The following SLC14A2 variants were observed in gnomAD, a reference collection of about 807,000 sequenced individuals.
SLC14A2 encodes solute carrier family 14 member 2, also known as urea transporter 2.
Under a neutral mutation model 104.6 loss-of-function variants are expected in SLC14A2, and 91 were observed. That is an observed-to-expected ratio of 0.87 (90% CI 0.73 to 1.04). The LOEUF is 1.04. Among genes scored for constraint, SLC14A2 ranks in the 50% least tolerant of loss-of-function variants. SLC14A2 has a pLI of 0.00. For synonymous variants in SLC14A2, 476 were observed against 466.4 expected, an observed-to-expected ratio of 1.02 and a Z score of -0.27; for missense variants, 1,189 against 1,156.0, an observed-to-expected ratio of 1.03 and a Z score of -0.41.
At chr18:45,266,038 G>C (rs1452844493) in intron 1 of SLC14A2, among the ~76,000 whole-genome samples, 3 of 152,100 alleles carry the variant, frequency 2.0e-5, no homozygotes, top group Non-Finnish European at 4.4e-5. Flanking sequence ...ACAAAAAACA[G>C]GTAAGGAGAA....
At chr18:45,560,768 C>T (rs933662282) in intron 2 of SLC14A2, among the ~76,000 whole-genome samples, 2 of 152,090 alleles carry the variant, frequency 1.3e-5, no homozygotes, top group African/African-American at 4.8e-5. Context: ...AGCCCCCATA[C>T]CCTCACCTCT....
At chr18:45,241,723 A>G (rs2084319681) in intron 1 of SLC14A2, among the ~76,000 whole-genome samples, 1 of 145,800 alleles carries the variant, frequency 6.9e-6, no homozygotes, top group African/African-American at 2.6e-5. Context: ...GGCTCACAGC[A>G]ACCTATTTCT....
intron 1 of SLC14A2, among the ~76,000 whole-genome samples, chr18:45,243,400 T>C (rs973899826): frequency 2.6e-5 from 4 of 152,182 alleles, no homozygotes; most frequent in African/African-American, 9.6e-5. Flanking sequence ...GACTGGTCCA[T>C]GTTCACCCAG....
At chr18:45,386,069 G>A (rs1230074339) in intron 1 of SLC14A2, among the ~76,000 whole-genome samples, 3 of 152,094 alleles carry the variant, frequency 2.0e-5, no homozygotes, top group African/African-American at 7.2e-5. Context: ...AGAGACGAGG[G>A]CTATGTTTGA....
intron 1 of SLC14A2, among the ~76,000 whole-genome samples, chr18:45,338,700 A>AAACAAAC (rs2085362389): frequency 1.5e-5 from 2 of 134,796 alleles, no homozygotes; most frequent in African/African-American, 5.2e-5. Context: ...AAAAAAAAAA[A>AAACAAAC]AAAAAAAAAA....
intron 1 of SLC14A2, among the ~76,000 whole-genome samples, chr18:45,414,749 AAAAAAAAAATATATATATATATATATAT>A (rs1425950560): frequency 1.6e-5 from 1 of 61,020 alleles, no homozygotes; most frequent in African/African-American, 8.4e-5. Context: ...GAGCGTAAAA[AAAAAAAAAATATATATATATATATATAT>A]ATATATATAT....
the SLC14A2 span, among the ~76,000 whole-genome samples, chr18:45,187,711 C>T: frequency 6.6e-6 from 1 of 151,960 alleles, no homozygotes; most frequent in African/African-American, 2.4e-5. Flanking sequence ...TTCCAGATCA[C>T]TTCTTCTCTA....
intron 1 of SLC14A2, among the ~76,000 whole-genome samples, chr18:45,471,329 GT>G (rs2087244661): frequency 6.6e-6 from 1 of 152,024 alleles, no homozygotes; most frequent in South Asian, 2.1e-4. Context: ...TTCGCTTTTT[GT>G]TTGTTGGGAT....
At chr18:45,649,445 C>A (rs1466828909) in intron 10 of SLC14A2, among the ~76,000 whole-genome samples, 1 of 152,182 alleles carries the variant, frequency 6.6e-6, no homozygotes, top group African/African-American at 2.4e-5. Context: ...CTCTTCTTTT[C>A]ACAAGAATTC....
At chr18:45,437,333 A>G (rs943242700) in intron 1 of SLC14A2, among the ~76,000 whole-genome samples, 5 of 138,934 alleles carry the variant, frequency 3.6e-5, no homozygotes, top group Non-Finnish European at 6.3e-5. Context: ...CCTTGTTTCC[A>G]GATGGTGGAA....
chr18:45,365,019 G>A (rs1196985488), intron 1 of SLC14A2, among the ~76,000 whole-genome samples: 1 of 152,162 alleles, frequency 6.6e-6, no homozygotes, highest in Non-Finnish European at 1.5e-5. Context: ...GAGATCACAG[G>A]CAGGTAAATA....
intron 11 of SLC14A2, 39 bp downstream of exon 11, chr18:45,663,946 T>C: frequency 6.4e-7 from 1 of 1,569,044 alleles, no homozygotes; most frequent in Non-Finnish European, 8.7e-7. Flanking sequence ...ATCCCTGCCT[T>C]CCTAGTCTCT....
chr18:45,252,656 A>G (rs2084434943), intron 1 of SLC14A2, among the ~76,000 whole-genome samples: 1 of 152,118 alleles, frequency 6.6e-6, no homozygotes, highest in African/African-American at 2.4e-5. Flanking sequence ...TGAAACCCTC[A>G]CGGTTCTAGA....
chr18:45,540,779 G>T (rs1271308643), intron 2 of SLC14A2, among the ~76,000 whole-genome samples: 1 of 152,068 alleles, frequency 6.6e-6, no homozygotes, highest in Non-Finnish European at 1.5e-5. Context: ...ATCTGCCAGG[G>T]TGGAAGCTCC....
At chr18:45,256,856 G>C (rs1358399074) in intron 1 of SLC14A2, among the ~76,000 whole-genome samples, 1 of 152,242 alleles carries the variant, frequency 6.6e-6, no homozygotes, top group East Asian at 1.9e-4. Flanking sequence ...TATCAGCTCT[G>C]GAAAGACCTT....
At chr18:45,361,663 G>A (rs1422400538) in intron 1 of SLC14A2, among the ~76,000 whole-genome samples, 2 of 152,174 alleles carry the variant, frequency 1.3e-5, no homozygotes, top group East Asian at 3.9e-4. Flanking sequence ...CACTGTGGGG[G>A]CATAAGAGCT....
In SLC14A2 at chr18:45,396,074, A is replaced by G. The variant is rs558362608; in HGVS notation, c.-124-87159A>G. On this transcript the variant is annotated intron_variant, in intron 1 of 20. Coordinates refer to the SLC14A2 transcript ENST00000586448. ...AGTATAAAACCTTTTTGGTCAAATG[A>G]ATCATTCTTAATCTTTTTTTCATTT... is the stretch of plus-strand genomic sequence containing the variant. Among the ~76,000 whole-genome samples, 156 of 152,282 alleles carry G rather than the reference A, an allele frequency of 1.0e-3. 1 individual carries two copies. The highest frequency in any genetic ancestry group is 1.3e-3 in the East Asian group (7 of 5,192).
chr18:45,635,726 G>C (rs1384757167), intron 5 of SLC14A2, among the ~76,000 whole-genome samples: 1 of 152,168 alleles, frequency 6.6e-6, no homozygotes, highest in Non-Finnish European at 1.5e-5. Flanking sequence ...AGGTTAAAGG[G>C]GGAAGATGTT....
intron 1 of SLC14A2, among the ~76,000 whole-genome samples, chr18:45,348,316 C>G (rs890193048): frequency 2.6e-5 from 4 of 152,206 alleles, no homozygotes; most frequent in African/African-American, 9.7e-5. Context: ...GTGTTAAAAA[C>G]AAAGTTTAGA....
Sources: allele counts gnomAD v4.1 joint callset (sites outside exome capture counted in the v4.1 genomes callset), GRCh38; gene constraint gnomAD v4.1.1; transcripts MANE v1.5; gene names NCBI Gene and HGNC (gene_info 2026-07-23, HGNC 2026-07-21).